Variants in STAMBPL1 observed in about 807,000 individuals in gnomAD.
STAMBPL1 encodes AMSH-like protease.
A neutral mutation model predicts 52.9 loss-of-function variants in STAMBPL1; 44 were observed. That is an observed-to-expected ratio of 0.83 (90% CI 0.65 to 1.07). STAMBPL1 has a LOEUF of 1.07. STAMBPL1 is among the 50% of genes least tolerant of loss of function. The pLI is 0.00. For missense variants in STAMBPL1, 511 were observed against 520.8 expected (o/e 0.98, Z 0.18); for synonymous variants, 164 against 177.3 (o/e 0.92, Z 0.60).
At chr10:88,886,099 A>G (rs1388425563) in intron 1 of STAMBPL1, among the ~76,000 whole-genome samples, 6 of 152,256 alleles carry the variant, frequency 3.9e-5, no homozygotes, top group Non-Finnish European at 8.8e-5. Flanking sequence ...TTTTTAAAGC[A>G]TAGGTGAAAA....
At chr10:88,922,544 G>T (rs2133223611) in intron 10 of STAMBPL1, 108 bp downstream of exon 10, 1 of 935,698 alleles carries the variant, frequency 1.1e-6, no homozygotes, top group East Asian at 2.6e-5. Flanking sequence ...ATACTGTACT[G>T]CTTAGTTTGG....
At chr10:88,906,339 G>T (rs1347803150) in intron 3 of STAMBPL1, among the ~76,000 whole-genome samples, 1 of 152,168 alleles carries the variant, frequency 6.6e-6, no homozygotes, top group East Asian at 1.9e-4. Flanking sequence ...AGAGTTAACA[G>T]AAATGGGACT....
At chr10:88,901,974 C>A (rs976864325) in intron 2 of STAMBPL1, among the ~76,000 whole-genome samples, 2 of 152,144 alleles carry the variant, frequency 1.3e-5, no homozygotes, top group African/African-American at 2.4e-5. Flanking sequence ...TAGCTAGATT[C>A]CAGGAGTGTA....
At chr10:88,889,546 A>C (rs1352677062) in intron 1 of STAMBPL1, among the ~76,000 whole-genome samples, 1 of 152,226 alleles carries the variant, frequency 6.6e-6, no homozygotes, top group Non-Finnish European at 1.5e-5. Context: ...TAAATATTAT[A>C]GCTGTCAGTG....
intron 8 of STAMBPL1, among the ~76,000 whole-genome samples, chr10:88,919,516 G>A (rs1372715155): frequency 6.6e-6 from 1 of 152,170 alleles, no homozygotes; most frequent in Admixed American, 6.6e-5. Context: ...GACAAGCAGA[G>A]TGATTTGTCT....
At chr10:88,884,691 G>T (rs1328655688) in intron 1 of STAMBPL1, among the ~76,000 whole-genome samples, 1 of 152,144 alleles carries the variant, frequency 6.6e-6, no homozygotes, top group African/African-American at 2.4e-5. Context: ...CGGAGCCCTG[G>T]TGTAACCTCA....
At chr10:88,905,728 C>A in intron 3 of STAMBPL1, 68 bp downstream of exon 3, 2 of 1,247,224 alleles carry the variant, frequency 1.6e-6, no homozygotes, top group South Asian at 1.3e-5. Context: ...TTTGATGTGG[C>A]AGTTTGGGTA....
chr10:88,910,882 C>A, intron 4 of STAMBPL1, 34 bp from the exon 5 acceptor site: 1 of 1,428,766 alleles, frequency 7.0e-7, no homozygotes, highest in Non-Finnish European at 9.5e-7. Flanking sequence ...TATTGAAAAT[C>A]CCACTAATCA....
chr10:88,923,134 A>G (rs1483770402), intron 10 of STAMBPL1, 34 bp from the exon 11 acceptor site: 1 of 1,498,528 alleles, frequency 6.7e-7, no homozygotes, highest in African/African-American at 1.4e-5. Flanking sequence ...TGGTGAAATC[A>G]AACATATGGT....
intron 9 of STAMBPL1, 133 bp from the exon 10 acceptor site, chr10:88,922,204 C>T: frequency 1.2e-6 from 1 of 827,986 alleles, no homozygotes; most frequent in Non-Finnish European, 1.9e-6. Flanking sequence ...AAAAAAAAAT[C>T]ACTATGGAAT....
intron 9 of STAMBPL1, among the ~76,000 whole-genome samples, chr10:88,921,792 C>A (rs1845519015): frequency 6.6e-6 from 1 of 152,074 alleles, no homozygotes; most frequent in Admixed American, 6.6e-5. Flanking sequence ...ATCAAAAAAA[C>A]ATATTGAAAT....
intron 1 of STAMBPL1, among the ~76,000 whole-genome samples, chr10:88,898,865 T>C (rs1421290595): frequency 6.6e-6 from 1 of 152,200 alleles, no homozygotes; most frequent in Non-Finnish European, 1.5e-5. Context: ...GGCCATCTTT[T>C]CAGCCAGGCT....
At chr10:88,901,808 G>T (rs1812357606) in intron 2 of STAMBPL1, 70 bp downstream of exon 2, 2 of 1,444,072 alleles carry the variant, frequency 1.4e-6, no homozygotes, top group Non-Finnish European at 1.9e-6. Flanking sequence ...ACATACAAAT[G>T]TGAAATGAGT....
chr10:88,899,180 T>G (rs1406583830), intron 1 of STAMBPL1, among the ~76,000 whole-genome samples: 1 of 152,212 alleles, frequency 6.6e-6, no homozygotes, highest in Non-Finnish European at 1.5e-5. Flanking sequence ...TCATTATCCT[T>G]CTGTGAATTC....
chr10:88,897,670 A>G (rs1188661590), intron 1 of STAMBPL1, among the ~76,000 whole-genome samples: 4 of 152,176 alleles, frequency 2.6e-5, no homozygotes, highest in Admixed American at 6.5e-5. Context: ...GGCTGTGACA[A>G]GCGCCCTGCC....
chr10:88,889,651 T>C lies in STAMBPL1; in HGVS notation c.-54+9013T>C, dbSNP rs144797316. Among the ~76,000 whole-genome samples, 472 of 152,316 alleles carry C rather than the reference T, an allele frequency of 3.1e-3. 12 individuals carry two copies. Among genetic ancestry groups the C allele is most frequent in the Admixed American group, 0.029 (446 of 15,306 alleles). ...ATTTTATTTTAAAATAATTTTAGAC[T>C]TTCAAAAGATTGTGGAAACAGTACA... On this transcript the variant is annotated intron_variant, in intron 1 of 10. Transcript: ENST00000371926.
At chr10:88,911,871 AT>A (rs1464435173) in intron 5 of STAMBPL1, among the ~76,000 whole-genome samples, 2 of 152,108 alleles carry the variant, frequency 1.3e-5, no homozygotes, top group African/African-American at 4.8e-5. Context: ...AAAGATAGAA[AT>A]TTTCTTGGAG....
intron 1 of STAMBPL1, among the ~76,000 whole-genome samples, chr10:88,897,206 C>T (rs1844832909): frequency 6.6e-6 from 1 of 152,156 alleles, no homozygotes; most frequent in African/African-American, 2.4e-5. Context: ...TGGCCACATC[C>T]CCTCTGGGCA....
At chr10:88,907,644 C>T (rs1431275111) in intron 3 of STAMBPL1, among the ~76,000 whole-genome samples, 1 of 152,124 alleles carries the variant, frequency 6.6e-6, no homozygotes, top group East Asian at 1.9e-4. Flanking sequence ...ACTTATTCTT[C>T]CTGGGCCTTA....
Sources: gnomAD v4.1 joint callset for allele counts (sites outside exome capture counted in the v4.1 genomes callset) on GRCh38, gnomAD v4.1.1 for gene constraint, MANE v1.5 for transcripts, NCBI Gene and HGNC (gene_info 2026-07-23, HGNC 2026-07-21) for gene names.